The following KIRREL1 variants were observed in gnomAD, a reference collection of about 807,000 sequenced individuals.
The protein encoded by KIRREL1 is kin of IRRE-like protein 1.
In KIRREL1, 25 loss-of-function variants were observed where a neutral mutation model predicts 83.3. The observed-to-expected ratio is 0.30, with a 90% CI of 0.22 to 0.42. The LOEUF (loss-of-function observed/expected upper bound fraction) is 0.42. Ranked by LOEUF, KIRREL1 falls within the 10% of genes least tolerant of loss-of-function variation. The probability of loss-of-function intolerance (pLI) is 1.00; values close to 1 mark genes in which losing one functional copy is unlikely to be tolerated. For missense variants in KIRREL1, 812 were observed against 1,032.3 expected (o/e 0.79, Z 2.92); for synonymous variants, 388 against 410.4 (o/e 0.95, Z 0.66).
intron 11 of KIRREL1, 43 bp from the exon 12 acceptor site, chr1:158,093,296 T>A: frequency 6.5e-7 from 1 of 1,533,136 alleles, no homozygotes; most frequent in Non-Finnish European, 9.0e-7. Flanking sequence ...GCTCCCAGTA[T>A]AACTCCAGCC....
chr1:158,046,014 G>A (rs1343612095), intron 1 of KIRREL1, among the ~76,000 whole-genome samples: 1 of 152,230 alleles, frequency 6.6e-6, no homozygotes, highest in Non-Finnish European at 1.5e-5. Context: ...GAAATGGGAA[G>A]TCACTGGTAG....
intron 1 of KIRREL1, among the ~76,000 whole-genome samples, chr1:158,003,544 C>T (rs1436689632): frequency 6.6e-6 from 1 of 152,114 alleles, no homozygotes; most frequent in African/African-American, 2.4e-5. Context: ...TCCCAGAGGT[C>T]CCACACTCCC....
intron 1 of KIRREL1, among the ~76,000 whole-genome samples, chr1:158,023,979 G>A (rs897507854): frequency 1.3e-5 from 2 of 152,042 alleles, no homozygotes; most frequent in Admixed American, 6.6e-5. Context: ...ACGAAGTCTC[G>A]CTCTGTCACC....
intron 1 of KIRREL1, among the ~76,000 whole-genome samples, chr1:158,013,639 T>C (rs745639337): frequency 2.0e-5 from 3 of 152,188 alleles, no homozygotes; most frequent in Non-Finnish European, 4.4e-5. Flanking sequence ...AGAGGGTAAG[T>C]GACTCGCTGC....
intron 1 of KIRREL1, among the ~76,000 whole-genome samples, chr1:158,073,500 G>C (rs367781149): frequency 8.5e-5 from 13 of 152,296 alleles, no homozygotes; most frequent in South Asian, 2.1e-4. Flanking sequence ...TCCAGAAATA[G>C]ACATTAACAT....
In KIRREL1 at chr1:158,086,651, C is replaced by T; in HGVS notation, c.566C>T (p.Pro189Leu). 6.4e-7 allele frequency: 1 copy of T among 1,551,890 alleles called. No individual in the cohort carries two copies. The highest frequency in any genetic ancestry group is 8.7e-7 in the Non-Finnish European group (1 of 1,147,042). The change falls in exon 5 of 15, where the codon CCC becomes CTC. Residue 189 changes from proline (P) to leucine (L), a missense_variant. This residue lies in a region of KIRREL1 where 472 missense variants were observed against 626.8 expected (regional missense o/e 0.75). Coordinates refer to ENST00000359209, the MANE Select transcript of KIRREL1 (RefSeq NM_018240.7). ...ACCGTGAGCCAACTGCTTATTAACC[C>T]CACGGACCTGGACATAGGGCGTGTC... ...ETTVSQLLIN[P>L]TDLDIGRVFT...
At chr1:158,035,080 T>A (rs1660438306) in intron 1 of KIRREL1, among the ~76,000 whole-genome samples, 1 of 152,236 alleles carries the variant, frequency 6.6e-6, no homozygotes, top group South Asian at 2.1e-4. Context: ...TCTTTGGGTA[T>A]GTATTTTATC....
Position 158,099,565 on chromosome 1 carries a change from C to G in KIRREL1, c.*4445C>G, listed in dbSNP as rs561406112. The G allele has an allele frequency of 7.9e-5, 12 of 152,190 alleles. No individual in the cohort carries two copies. The highest frequency in any genetic ancestry group is 2.9e-4 in the African/African-American group (12 of 41,510). 9.4% of individuals were successfully genotyped at this position (152,190 alleles called of 1,614,324 possible). A position where few individuals can be genotyped will look rare whatever the true frequency, so the allele number is the denominator to read the frequency against. ...ACTGTGAGGTAGCTTCAGGCCCTGT[C>G]CCTGGAGAAATAATTGCTGCGCAGA... On this transcript the variant is annotated 3_prime_UTR_variant, in exon 15 of 15. Transcript: ENST00000359209.
In KIRREL1 at chr1:158,088,127, A is replaced by G; in HGVS notation, c.889A>G (p.Asn297Asp). ...CEVHNKVGSTNVSTLVNVHFA... is the reference protein window; with the variant it reads ...CEVHNKVGSTDVSTLVNVHFA... ...GGTTCACAACAAAGTGGGAAGCACC[A>G]ATGTCAGCACTTTAGTAAATGTCCA... Residue 297 changes from asparagine (N) to aspartate (D), a missense_variant, in exon 7 of 15, where the codon AAT (asparagine) becomes GAT (aspartate). Around this residue, in one of 3 missense-constraint regions of KIRREL1, gnomAD observed 472 missense variants for 626.8 expected, o/e 0.75. Transcript: ENST00000359209. The G allele has an allele frequency of 6.2e-7, 1 of 1,614,196 alleles. No individual in the cohort carries two copies. The highest frequency in any genetic ancestry group is 8.5e-7 in the Non-Finnish European group (1 of 1,180,042).
intron 1 of KIRREL1, among the ~76,000 whole-genome samples, chr1:158,073,675 C>T (rs1375847612): frequency 6.6e-6 from 1 of 152,190 alleles, no homozygotes; most frequent in African/African-American, 2.4e-5. Context: ...CCAGGCTTGT[C>T]ATTGTACAGG....
At chr1:158,007,747 G>A (rs1030496517) in intron 1 of KIRREL1, among the ~76,000 whole-genome samples, 4 of 151,918 alleles carry the variant, frequency 2.6e-5, no homozygotes, top group African/African-American at 7.3e-5. Flanking sequence ...TAGGAGGGTA[G>A]GACAACTATG....
Position 158,098,761 on chromosome 1 carries a change from T to C in KIRREL1, c.*3641T>C, listed in dbSNP as rs1345446076. ...GCTGTTATCACTGTCTTGCTTGGAA[T>C]GAAAACATCTGAGCACCCTGTCTTC... On this transcript the variant is annotated 3_prime_UTR_variant, in exon 15 of 15. Transcript: ENST00000359209. 1 of 152,240 alleles carries C rather than the reference T, an allele frequency of 6.6e-6. No homozygotes were observed. The highest frequency in any genetic ancestry group is 6.5e-5 in the Admixed American group (1 of 15,282). 9.4% of individuals were successfully genotyped at this position (152,240 alleles called of 1,614,324 possible).
At chr1:158,027,368 CG>C (rs1557994168) in intron 1 of KIRREL1, among the ~76,000 whole-genome samples, 1 of 152,202 alleles carries the variant, frequency 6.6e-6, no homozygotes, top group African/African-American at 2.4e-5. Context: ...TGGAAGATCT[CG>C]GAATCCTGTC....
At chr1:158,038,130 A>G (rs1310102187) in intron 1 of KIRREL1, among the ~76,000 whole-genome samples, 1 of 152,086 alleles carries the variant, frequency 6.6e-6, no homozygotes, top group Non-Finnish European at 1.5e-5. Flanking sequence ...AAGGCCAGCT[A>G]TTTCTTCCTG....
At position 158,000,159 on chromosome 1, in the gene KIRREL1, CATGCAT is replaced by C. The variant is rs572206283; in HGVS notation, c.52+6447_52+6452del. Reference sequence around the variant, plus strand: ...CAAGCGTGTGGATGCAATCTCACTGCATGCATATGCATATGCATATGTATTCACACA... The same window carrying C: ...CAAGCGTGTGGATGCAATCTCACTGCATGCATATGCATATGTATTCACACA... On this transcript the variant is annotated intron_variant, in intron 1 of 14. Coordinates refer to ENST00000359209, the MANE Select transcript of KIRREL1 (RefSeq NM_018240.7). Among the ~76,000 whole-genome samples the C allele has an allele frequency of 3.0e-4, 46 of 152,306 alleles. 1 individual carries two copies. The highest frequency in any genetic ancestry group is 3.4e-3 in the Middle Eastern group (1 of 294).
chr1:158,019,440 G>T (rs906843347), intron 1 of KIRREL1, among the ~76,000 whole-genome samples: 6 of 152,166 alleles, frequency 3.9e-5, no homozygotes, highest in African/African-American at 1.2e-4. Flanking sequence ...GAGCATTTTG[G>T]CAGATACTCT....
Position 158,088,140 on chromosome 1 carries a change from T to C in KIRREL1, c.902T>C (p.Leu301Ser), listed in dbSNP as rs746687268. The change falls in exon 7 of 15, where the codon TTA (leucine) becomes TCA (serine). Residue 301 changes from leucine (L) to serine (S), a missense_variant. Around this residue, in one of 3 missense-constraint regions of KIRREL1, gnomAD observed 472 missense variants for 626.8 expected, o/e 0.75. Coordinates refer to ENST00000359209, the MANE Select transcript of KIRREL1 (RefSeq NM_018240.7). ...NKVGSTNVST[L>S]VNVHFAPRIV... is the part of the protein sequence containing the mutation. ...GTGGGAAGCACCAATGTCAGCACTT[T>C]AGTAAATGTCCACTGTGAGTAGCTG... The C allele has an allele frequency of 1.2e-6, 2 of 1,614,162 alleles. No homozygotes were observed. The highest frequency in any genetic ancestry group is 3.3e-5 in the Admixed American group (2 of 60,018).
chr1:158,024,174 C>T (rs1048705797), intron 1 of KIRREL1, among the ~76,000 whole-genome samples: 1 of 151,986 alleles, frequency 6.6e-6, no homozygotes, highest in African/African-American at 2.4e-5. Flanking sequence ...GTCTCGAACT[C>T]CTGACCTCAG....
chr1:157,996,572 G>A (rs2101614378), intron 1 of KIRREL1, among the ~76,000 whole-genome samples: 1 of 152,096 alleles, frequency 6.6e-6, no homozygotes, highest in South Asian at 2.1e-4. Context: ...GAGGCCCGAG[G>A]GCCTCCTAAA....
Sources: gnomAD v4.1 joint callset for allele counts (sites outside exome capture counted in the v4.1 genomes callset) on GRCh38, gnomAD v4.1.1 for gene constraint, gnomAD v4.1.1 regional missense constraint, MANE v1.5 for transcripts, NCBI Gene and HGNC (gene_info 2026-07-23, HGNC 2026-07-21) for gene names.